The following HEPHL1 variants were observed in gnomAD, a reference collection of about 807,000 sequenced individuals.
HEPHL1 encodes the protein ferroxidase HEPHL1.
HEPHL1 carries 123 observed loss-of-function variants against 122.0 expected under a neutral mutation model. The ratio of observed to expected loss-of-function variants is 1.01; its 90% CI spans 0.87 to 1.17. HEPHL1 has a LOEUF of 1.17. Among genes scored for constraint, HEPHL1 ranks in the 50% most tolerant of loss-of-function variants. HEPHL1 has a pLI of 0.00. For missense variants in HEPHL1, 1,452 were observed against 1,430.5 expected, an observed-to-expected ratio of 1.01 and a Z score of -0.24; for synonymous variants, 527 against 508.9, an observed-to-expected ratio of 1.04 and a Z score of -0.48.
In HEPHL1 at chr11:94,111,864, G is replaced by T. The variant is rs529765707; in HGVS notation, c.3450G>T (p.Gln1150His). 12 of 1,526,198 alleles carry T rather than the reference G, an allele frequency of 7.9e-6. No homozygotes were observed. The highest frequency in any genetic ancestry group is 4.2e-5 in the African/African-American group (3 of 72,050). 94.5% of individuals were successfully genotyped at this position (1,526,198 alleles called of 1,614,324 possible). A position where few individuals can be genotyped will look rare whatever the true frequency, so the allele number is the denominator to read the frequency against. ...AGCAGACAGATTACCAGCAAGTCCA[G>T]TCCTGTGCTCTCCCCACGGATGCTC... is the stretch of plus-strand genomic sequence containing the variant. ...AMKQTDYQQV[Q>H]SCALPTDAL is the part of the protein sequence containing the mutation. Residue 1150 changes from glutamine to histidine, a missense_variant, in exon 20 of 20, where the codon CAG becomes CAT. Transcript: ENST00000315765.
At chr11:94,096,400 A>T (rs1196126049) in intron 13 of HEPHL1, among the ~76,000 whole-genome samples, 1 of 152,082 alleles carries the variant, frequency 6.6e-6, no homozygotes, top group East Asian at 1.9e-4. Context: ...AAACTTTTTG[A>T]TGTGCTGCTG....
At chr11:94,103,544 G>A (rs1946386483) in intron 15 of HEPHL1, among the ~76,000 whole-genome samples, 1 of 152,126 alleles carries the variant, frequency 6.6e-6, no homozygotes, top group Non-Finnish European at 1.5e-5. Flanking sequence ...TCTAAACATA[G>A]TAACTGAAAC....
Position 94,075,160 on chromosome 11 carries a change from G to A in HEPHL1, c.1505-14G>A. ...GCCTGTTGTTTTGAATAATTGTTTT[G>A]TTTATATCCTCAGGATTTGTGAAAC... is the stretch of plus-strand genomic sequence containing the variant. On this transcript the variant is annotated splice_polypyrimidine_tract_variant and intron_variant, in intron 8 of 19. Coordinates refer to ENST00000315765, the MANE Select transcript of HEPHL1 (RefSeq NM_001098672.2). The A allele has an allele frequency of 6.2e-7, 1 of 1,606,770 alleles. No individual in the cohort carries two copies. Among genetic ancestry groups the A allele is most frequent in the Non-Finnish European group, 8.5e-7 (1 of 1,175,440 alleles).
chr11:94,042,882 A>AAAAAAAAAAAAAC (rs1449884226), intron 1 of HEPHL1, among the ~76,000 whole-genome samples: 2 of 136,838 alleles, frequency 1.5e-5, no homozygotes, highest in Non-Finnish European at 3.1e-5. Flanking sequence ...TAATAAAAAA[A>AAAAAAAAAAAAAC]AAAAAAAAAA....
chr11:94,032,180 C>T (rs1945681533), intron 1 of HEPHL1, among the ~76,000 whole-genome samples: 1 of 152,136 alleles, frequency 6.6e-6, no homozygotes, highest in Non-Finnish European at 1.5e-5. Context: ...TTTTATCCAC[C>T]CTGAAATGCT....
intron 12 of HEPHL1, 133 bp downstream of exon 12, chr11:94,089,101 T>A: frequency 1.2e-6 from 1 of 840,746 alleles, no homozygotes; most frequent in Non-Finnish European, 1.9e-6. Context: ...TTTACTTATG[T>A]GCACAGATTA....
intron 1 of HEPHL1, among the ~76,000 whole-genome samples, chr11:94,028,069 A>G (rs1032400152): frequency 2.0e-5 from 3 of 152,106 alleles, no homozygotes; most frequent in African/African-American, 7.2e-5. Flanking sequence ...GGATCTGACC[A>G]CACTCTCTGC....
intron 10 of HEPHL1, among the ~76,000 whole-genome samples, chr11:94,082,917 C>T (rs58964858): frequency 0.15 from 22,972 of 151,860 alleles, 1,987 homozygotes; most frequent in African/African-American, 0.24. Flanking sequence ...GGTGAAACCC[C>T]GTCTCTACTA....
chr11:94,107,627 G>A (rs1049130921), intron 17 of HEPHL1, among the ~76,000 whole-genome samples: 3 of 152,164 alleles, frequency 2.0e-5, no homozygotes, highest in Admixed American at 6.5e-5. Flanking sequence ...GAAAGGTTAT[G>A]TGGAAATCAT....
At chr11:94,105,564 C>T (rs1384415419) in intron 16 of HEPHL1, among the ~76,000 whole-genome samples, 1 of 152,148 alleles carries the variant, frequency 6.6e-6, no homozygotes, top group Non-Finnish European at 1.5e-5. Context: ...GAGATTCAGC[C>T]AGGCTTAAAC....
Position 94,091,735 on chromosome 11 carries a change from G to A in HEPHL1, c.2295-1766G>A, listed in dbSNP as rs1363322640. On this transcript the variant is annotated intron_variant, in intron 12 of 19. Transcript: ENST00000315765. ...GTAGGGAGAAGGTTGGTAGTCGGCG[G>A]GGGCTTCTGGGAGGAAGTAGTCTTT... Among the ~76,000 whole-genome samples the A allele has an allele frequency of 3.9e-5, 6 of 152,268 alleles. No homozygotes were observed. The East Asian group carries it at 1.2e-3, about 29-fold the overall frequency.
At chr11:94,033,630 C>T (rs1945694885) in intron 1 of HEPHL1, among the ~76,000 whole-genome samples, 1 of 152,060 alleles carries the variant, frequency 6.6e-6, no homozygotes, top group Non-Finnish European at 1.5e-5. Context: ...TGTCCTGGAC[C>T]TAGAGGGTAT....
Position 94,111,755 on chromosome 11 carries a change from C to T in HEPHL1, c.3341C>T (p.Ala1114Val). ...GKNLGPTGAK[A>V]ALVILFIIGL... The stretch of plus-strand genomic sequence containing the variant: ...AATCTGGGTCCAACAGGAGCCAAGG[C>T]AGCCTTGGTCATCCTTTTCATCATT... The change falls in exon 20 of 20, where the codon GCA becomes GTA. Residue 1114 changes from alanine (A) to valine (V), a missense_variant. By Grantham distance (64) the Ala-to-Val change is moderately conservative. Coordinates refer to ENST00000315765, the MANE Select transcript of HEPHL1 (RefSeq NM_001098672.2). 1.2e-6 allele frequency: 2 copies of T among 1,603,028 alleles called. No individual in the cohort carries two copies. Among genetic ancestry groups the T allele is most frequent in the African/African-American group, 1.3e-5 (1 of 74,684 alleles).
intron 9 of HEPHL1, among the ~76,000 whole-genome samples, chr11:94,080,744 C>A (rs111234944): frequency 0.026 from 3,893 of 152,250 alleles, 114 homozygotes; most frequent in African/African-American, 0.069. Flanking sequence ...CAATGAGATA[C>A]CATCTCACGC....
intron 1 of HEPHL1, among the ~76,000 whole-genome samples, chr11:94,036,712 G>A (rs371093684): frequency 1.1e-4 from 16 of 152,012 alleles, no homozygotes; most frequent in East Asian, 1.9e-4. Context: ...GGTGGCAGGC[G>A]CCTGTAGTCC....
rs191153359 is a variant in HEPHL1, at chr11:94,060,226, G to A, written c.416-3282G>A. Among the ~76,000 whole-genome samples, 41 of 150,208 alleles carry A rather than the reference G, an allele frequency of 2.7e-4. No individual in the cohort carries two copies. The East Asian group carries it at 7.8e-3, about 29-fold the overall frequency. Reference sequence around the variant, plus strand: ...GGTATTTGCTTTAATGCAGCTTACAGTCTAACATGAGAAAGAGACATTAGT... The same window carrying A: ...GGTATTTGCTTTAATGCAGCTTACAATCTAACATGAGAAAGAGACATTAGT... On this transcript the variant is annotated intron_variant, in intron 2 of 19. Transcript: ENST00000315765.
At chr11:94,042,881 A>AAAAAAAAACAAAAAACAAAC (rs1491126384) in intron 1 of HEPHL1, among the ~76,000 whole-genome samples, 9 of 137,282 alleles carry the variant, frequency 6.6e-5, no homozygotes, top group African/African-American at 2.5e-4. Flanking sequence ...ATAATAAAAA[A>AAAAAAAAACAAAAAACAAAC]AAAAAAAAAA....
In HEPHL1 at chr11:94,073,351, C is replaced by T. The variant is rs1372698571; in HGVS notation, c.1416C>T (p.Thr472=). ...AGGTGGGTGATACCCTGTTAGTGAC[C>T]TTTGCCAACAAAGCCGACAAGGTCT... The part of the protein sequence containing the change: ...KAEVGDTLLV[T]FANKADKVYS... Residue 472 remains threonine (T), a synonymous_variant, in exon 8 of 20, where the codon ACC becomes ACT. Coordinates refer to ENST00000315765, the MANE Select transcript of HEPHL1 (RefSeq NM_001098672.2). The T allele has an allele frequency of 6.2e-7, 1 of 1,603,986 alleles. No individual in the cohort carries two copies. The highest frequency in any genetic ancestry group is 1.3e-5 in the African/African-American group (1 of 74,770).
rs548590682 is a variant in HEPHL1 at position 94,055,975 on chromosome 11, T to C, written c.416-7533T>C. The C allele has an allele frequency of 4.3e-5, 55 of 1,289,444 alleles. 1 individual carries two copies. The South Asian group carries it at 6.7e-4, about 16-fold the overall frequency. The allele number at this position is 1,289,444 out of a possible 1,614,324, so 79.9% of individuals were successfully genotyped here. ...GACTCTAACACTTTGGCAGCCATGT[T>C]TCCTTCTGCTGGACCCTTTCGCAGC... On this transcript the variant is annotated intron_variant, in intron 2 of 19. Transcript: ENST00000315765.
Sources: allele counts gnomAD v4.1 joint callset (sites outside exome capture counted in the v4.1 genomes callset), GRCh38; gene constraint gnomAD v4.1.1; transcripts MANE v1.5; gene names NCBI Gene and HGNC (gene_info 2026-07-23, HGNC 2026-07-21).